WWOX: variants seen among roughly 807,000 people sequenced by gnomAD.
WWOX encodes the protein WW domain-containing oxidoreductase.
In WWOX, 69 loss-of-function variants were observed where a neutral mutation model predicts 46.2. The ratio of observed to expected loss-of-function variants is 1.49; its 90% CI spans 1.23 to 1.82. The LOEUF (loss-of-function observed/expected upper bound fraction) is 1.82, where lower values mean the gene tolerates loss of function less well. WWOX is among the 40% of genes most tolerant of loss of function. The probability of loss-of-function intolerance (pLI) is 0.00; values close to 1 mark genes in which losing one functional copy is unlikely to be tolerated. For synonymous variants in WWOX, 359 were observed against 202.6 expected (o/e 1.77, Z -6.56); for missense variants, 919 against 542.6 (o/e 1.69, Z -6.89).
chr16:78,409,956 G>C (rs887493448), intron 6 of WWOX, among the ~76,000 whole-genome samples: 1 of 152,188 alleles, frequency 6.6e-6, no homozygotes, highest in African/African-American at 2.4e-5. Flanking sequence ...GAGTTTGCAT[G>C]TTTTTCTCCT....
intron 8 of WWOX, among the ~76,000 whole-genome samples, chr16:78,537,982 C>T (rs1176937761): frequency 6.6e-6 from 1 of 151,994 alleles, no homozygotes; most frequent in African/African-American, 2.4e-5. Flanking sequence ...ATGAAATTCA[C>T]CTTTCCCCGA....
chr16:79,158,476 T>G (rs1043680986), intron 8 of WWOX, among the ~76,000 whole-genome samples: 1 of 148,736 alleles, frequency 6.7e-6, no homozygotes, highest in Non-Finnish European at 1.5e-5. Context: ...AACCCCTTCA[T>G]GGCTTCCCAC....
At chr16:79,144,905 A>C (rs756124442) in intron 8 of WWOX, among the ~76,000 whole-genome samples, 6 of 152,204 alleles carry the variant, frequency 3.9e-5, no homozygotes, top group African/African-American at 1.4e-4. Context: ...ATTTATAAGT[A>C]TACTTTATTG....
chr16:78,409,648 G>C (rs1018632409), intron 6 of WWOX, among the ~76,000 whole-genome samples: 2 of 152,152 alleles, frequency 1.3e-5, no homozygotes, highest in African/African-American at 4.8e-5. Context: ...AAAACCCAAA[G>C]CTATTATCTG....
intron 8 of WWOX, among the ~76,000 whole-genome samples, chr16:79,056,731 C>G (rs370740569): frequency 6.6e-6 from 1 of 152,182 alleles, no homozygotes; most frequent in African/African-American, 2.4e-5. Context: ...TCTTCTCTAC[C>G]GTATCCCTTT....
intron 8 of WWOX, among the ~76,000 whole-genome samples, chr16:78,624,286 G>C (rs117015178): frequency 0.011 from 1,653 of 150,000 alleles, 13 homozygotes; most frequent in Middle Eastern, 0.045. Context: ...TAAAGGACAT[G>C]TATTTCCAAC....
At chr16:78,296,905 G>T (rs1173099582) in intron 5 of WWOX, among the ~76,000 whole-genome samples, 1 of 152,218 alleles carries the variant, frequency 6.6e-6, no homozygotes, top group Admixed American at 6.5e-5. Flanking sequence ...CTCTTCTTCA[G>T]ATTATTAAGA....
chr16:79,136,787 A>T (rs1484947872), intron 8 of WWOX, among the ~76,000 whole-genome samples: 1 of 152,206 alleles, frequency 6.6e-6, no homozygotes, highest in African/African-American at 2.4e-5. Context: ...ACAAAATTCA[A>T]TAGGCACATG....
intron 8 of WWOX, among the ~76,000 whole-genome samples, chr16:78,812,893 A>G (rs1277477143): frequency 2.0e-5 from 3 of 152,204 alleles, no homozygotes; most frequent in Non-Finnish European, 4.4e-5. Context: ...TCTTAAACAC[A>G]TATATTTTTA....
chr16:78,693,566 AGGTGGGG>A (rs2048035590), intron 8 of WWOX, among the ~76,000 whole-genome samples: 1 of 152,184 alleles, frequency 6.6e-6, no homozygotes, highest in African/African-American at 2.4e-5. Context: ...GTAGTATTTC[AGGTGGGG>A]GGCCCTCCTC....
At position 78,796,901 on chromosome 16, in the gene WWOX, C is replaced by G. The variant is rs141829665; in HGVS notation, c.1056+364149C>G. Among the ~76,000 whole-genome samples, 273 of 151,438 alleles carry G rather than the reference C, an allele frequency of 1.8e-3. 2 individuals carry two copies. The highest frequency in any genetic ancestry group is 6.4e-3 in the African/African-American group (263 of 41,280). ...AGTGCAGTGGTGCGATCTCGGCTCA[C>G]TGCAAATTCTGCCTGCTAAGATCAA... On this transcript the variant is annotated intron_variant, in intron 8 of 8. Transcript: ENST00000566780.
At chr16:78,423,143 C>T (rs913997365) in intron 6 of WWOX, among the ~76,000 whole-genome samples, 7 of 152,128 alleles carry the variant, frequency 4.6e-5, no homozygotes, top group Non-Finnish European at 8.8e-5. Flanking sequence ...CCTCAGCCTC[C>T]CAAAGTGCTG....
chr16:78,599,214 C>G (rs998092489), intron 8 of WWOX, among the ~76,000 whole-genome samples: 1 of 152,226 alleles, frequency 6.6e-6, no homozygotes, highest in African/African-American at 2.4e-5. Flanking sequence ...AATGGGTCTG[C>G]GTCTTGCACA....
At chr16:78,874,684 C>CTTTTTTTTTTTT (rs552696627) in intron 8 of WWOX, among the ~76,000 whole-genome samples, 4 of 83,492 alleles carry the variant, frequency 4.8e-5, no homozygotes, top group Admixed American at 1.8e-4. Context: ...AGATTTTTTT[C>CTTTTTTTTTTTT]TTTTTTTTTT....
At chr16:78,725,373 G>C (rs1403159533) in intron 8 of WWOX, among the ~76,000 whole-genome samples, 4 of 69,442 alleles carry the variant, frequency 5.8e-5, no homozygotes, top group African/African-American at 2.8e-4. Context: ...TTGAGATGGA[G>C]TTTCACTCTT....
At chr16:78,332,377 A>G (rs1253311041) in intron 5 of WWOX, among the ~76,000 whole-genome samples, 3 of 152,208 alleles carry the variant, frequency 2.0e-5, no homozygotes, top group East Asian at 1.9e-4. Context: ...AAGAATGGGT[A>G]TTTCCTCTGT....
intron 8 of WWOX, among the ~76,000 whole-genome samples, chr16:78,995,246 A>G (rs1170143458): frequency 6.6e-6 from 1 of 151,994 alleles, no homozygotes; most frequent in Non-Finnish European, 1.5e-5. Context: ...CAATCCTTGC[A>G]CTGAAGCTTT....
At chr16:78,310,752 C>A (rs998744050) in intron 5 of WWOX, among the ~76,000 whole-genome samples, 14 of 152,212 alleles carry the variant, frequency 9.2e-5, no homozygotes, top group African/African-American at 3.4e-4. Flanking sequence ...GTTTTACTCA[C>A]CTTTGCTTGC....
intron 8 of WWOX, among the ~76,000 whole-genome samples, chr16:78,965,058 G>A (rs1452231377): frequency 6.6e-6 from 1 of 152,218 alleles, no homozygotes; most frequent in East Asian, 1.9e-4. Flanking sequence ...CATGGGTGGA[G>A]CCCTCATGGA....
Sources: gnomAD v4.1 joint callset for allele counts (sites outside exome capture counted in the v4.1 genomes callset) on GRCh38, gnomAD v4.1.1 for gene constraint, MANE v1.5 for transcripts, NCBI Gene and HGNC (gene_info 2026-07-23, HGNC 2026-07-21) for gene names.